The following AGAP1 variants were observed in gnomAD, a reference collection of about 807,000 sequenced individuals.
AGAP1 encodes the protein ArfGAP with GTPase domain, ankyrin repeat and PH domain 1, also known as arf-GAP with GTPase, ANK repeat and PH domain-containing protein 1.
Under a neutral mutation model 105.3 loss-of-function variants are expected in AGAP1, and 29 were observed. The observed-to-expected ratio is 0.28, with a 90% CI of 0.21 to 0.38. The LOEUF is 0.38. Ranked by LOEUF, AGAP1 falls within the 10% of genes least tolerant of loss-of-function variation. AGAP1 has a pLI of 1.00. For missense variants in AGAP1, 998 were observed against 1,165.1 expected, an observed-to-expected ratio of 0.86 and a Z score of 2.09; for synonymous variants, 509 against 485.9, an observed-to-expected ratio of 1.05 and a Z score of -0.63.
chr2:235,603,887 C>T (rs796573211), intron 1 of AGAP1, among the ~76,000 whole-genome samples: 2 of 152,246 alleles, frequency 1.3e-5, no homozygotes, highest in African/African-American at 2.4e-5. Context: ...GAAAGGAATG[C>T]GTCCATCAGG....
At chr2:235,968,796 C>A (rs1368941284) in intron 13 of AGAP1, among the ~76,000 whole-genome samples, 173 bp downstream of exon 13, 2 of 152,172 alleles carry the variant, frequency 1.3e-5, no homozygotes, top group African/African-American at 2.4e-5. Flanking sequence ...ACCTTTTCAT[C>A]ACTGTCTGAT....
Position 235,517,217 on chromosome 2 carries a change from G to A in AGAP1, c.163+22368G>A, listed in dbSNP as rs145785512. On this transcript the variant is annotated intron_variant, in intron 1 of 17. Coordinates refer to ENST00000304032, the MANE Select transcript of AGAP1 (RefSeq NM_001037131.3). This position sits in a 1 kb window ranked among gnomAD's most constrained non-coding sequence, Gnocchi z 4.1. ...TTCTCAGGAGGACACCAGTCTTGTT[G>A]GATGAGGGTCCCACCCTTAAGCTGC... Among the ~76,000 whole-genome samples the A allele has an allele frequency of 6.6e-6, 1 of 152,312 alleles. No homozygotes were observed. Among genetic ancestry groups the A allele is most frequent in the Admixed American group, 6.5e-5 (1 of 15,298 alleles).
At chr2:235,815,935 G>C (rs775621357) in intron 9 of AGAP1, among the ~76,000 whole-genome samples, 10 of 152,172 alleles carry the variant, frequency 6.6e-5, no homozygotes, top group Non-Finnish European at 1.2e-4. Context: ...GAAAACCAAA[G>C]CTCCCTTCCC....
intron 13 of AGAP1, among the ~76,000 whole-genome samples, chr2:236,018,179 C>T (rs2056769319): frequency 6.6e-6 from 1 of 151,958 alleles, no homozygotes; most frequent in Non-Finnish European, 1.5e-5. Flanking sequence ...ATTGAGTTTT[C>T]TTCAGCCAGA....
chr2:235,597,540 G>A (rs537364294), intron 1 of AGAP1, among the ~76,000 whole-genome samples: 6 of 152,312 alleles, frequency 3.9e-5, no homozygotes, highest in South Asian at 4.1e-4. Context: ...TGTCCAGACT[G>A]CTTGTAAAGG....
Position 235,600,114 on chromosome 2 carries a change from G to C in AGAP1, c.163+105265G>C, listed in dbSNP as rs1239628307. Among the ~76,000 whole-genome samples the C allele has an allele frequency of 6.6e-6, 1 of 152,072 alleles. No homozygotes were observed. Among genetic ancestry groups the C allele is most frequent in the African/African-American group, 2.4e-5 (1 of 41,406 alleles). ...CAGCCTTTCTTCCTCTCTCGTAACT[G>C]TTATTTACTCAGTAATTACAGGTTC... On this transcript the variant is annotated intron_variant, in intron 1 of 17. Coordinates refer to ENST00000304032, the MANE Select transcript of AGAP1 (RefSeq NM_001037131.3). The surrounding 1 kb of genome is among the most constrained non-coding windows in gnomAD (Gnocchi z 4.8).
In AGAP1 at chr2:235,712,934, A is replaced by G. The variant is rs1413136590; in HGVS notation, c.222+3697A>G. ...ATTTTCCTTTCACCATCAACTGTTAATTTCCACCAGCGTTTCAAATTAAAA... is the reference window on the plus strand; with the variant it reads ...ATTTTCCTTTCACCATCAACTGTTAGTTTCCACCAGCGTTTCAAATTAAAA... On this transcript the variant is annotated intron_variant, in intron 2 of 17. Transcript: ENST00000304032. This position sits in a 1 kb window ranked among gnomAD's most constrained non-coding sequence, Gnocchi z 6.0. Among the ~76,000 whole-genome samples the G allele has an allele frequency of 6.6e-6, 1 of 152,176 alleles. No individual in the cohort carries two copies. Among genetic ancestry groups the G allele is most frequent in the African/African-American group, 2.4e-5 (1 of 41,442 alleles).
chr2:235,705,000 A>C (rs1950466810), intron 1 of AGAP1, among the ~76,000 whole-genome samples: 1 of 88,214 alleles, frequency 1.1e-5, no homozygotes, highest in African/African-American at 4.3e-5. Context: ...TTTTTTTGCG[A>C]CAGAGTCTCA....
Position 236,097,440 on chromosome 2 carries a change from T to TGGAGTGCA in AGAP1, c.2115-22750_2115-22743dup, listed in dbSNP as rs543139671. ...ATGGAGTCTTGCTCTGTCGCCAGGCTGGAGTGCAGTGGCGCGACCTTGGCT... is the reference window on the plus strand; with the variant it reads ...ATGGAGTCTTGCTCTGTCGCCAGGCTGGAGTGCAGGAGTGCAGTGGCGCGACCTTGGCT... On this transcript the variant is annotated intron_variant, in intron 16 of 17. Coordinates refer to ENST00000304032, the MANE Select transcript of AGAP1 (RefSeq NM_001037131.3). 3.2e-4 allele frequency among the ~76,000 whole-genome samples: 42 copies of TGGAGTGCA among 129,426 alleles called. No individual in the cohort carries two copies. In the South Asian group the frequency reaches 7.0e-3, roughly 22 times the overall value. 84.9% of individuals were successfully genotyped at this position (129,426 alleles called of 152,430 possible). A position where few individuals can be genotyped will look rare whatever the true frequency, so the allele number is the denominator to read the frequency against.
chr2:236,002,273 G>GC lies in AGAP1; in HGVS notation c.1645+33653dup, dbSNP rs2125520644. Among the ~76,000 whole-genome samples, 1 of 152,304 alleles carries GC rather than the reference G, an allele frequency of 6.6e-6. No individual in the cohort carries two copies. The highest frequency in any genetic ancestry group is 2.4e-5 in the African/African-American group (1 of 41,568). On this transcript the variant is annotated intron_variant, in intron 13 of 17. Coordinates refer to ENST00000304032, the MANE Select transcript of AGAP1 (RefSeq NM_001037131.3). The surrounding 1 kb of genome is among the most constrained non-coding windows in gnomAD (Gnocchi z 4.3). ...AACATGACCCACGCACCCAGCCTGA[G>GC]CCCAGGAGGCTCCTGGTCCCGTCCT...
intron 16 of AGAP1, among the ~76,000 whole-genome samples, chr2:236,117,387 G>C (rs187200615): frequency 6.6e-6 from 1 of 152,216 alleles, no homozygotes; most frequent in African/African-American, 2.4e-5. Flanking sequence ...GGATGAGGTT[G>C]CCTATGAGGT....
intron 11 of AGAP1, among the ~76,000 whole-genome samples, chr2:235,911,984 C>G (rs1465225636): frequency 6.6e-6 from 1 of 152,224 alleles, no homozygotes; most frequent in Admixed American, 6.5e-5. Context: ...GCACCCTGAC[C>G]AAGCATGCGG....
intron 10 of AGAP1, among the ~76,000 whole-genome samples, chr2:235,885,490 G>A (rs188918038): frequency 5.9e-5 from 9 of 152,250 alleles, no homozygotes; most frequent in African/African-American, 1.4e-4. Flanking sequence ...GGCTTCCTGC[G>A]TTGAAGAGTC....
At chr2:235,536,627 T>A (rs112404576) in intron 1 of AGAP1, among the ~76,000 whole-genome samples, 30 of 108,314 alleles carry the variant, frequency 2.8e-4, no homozygotes, top group Admixed American at 4.7e-4. Context: ...GTCGCATCCT[T>A]CACACACACA....
At position 235,752,175 on chromosome 2, in the gene AGAP1, T is replaced by C. The variant is rs1233882588; in HGVS notation, c.673+1687T>C. Among the ~76,000 whole-genome samples, 1 of 152,284 alleles carries C rather than the reference T, an allele frequency of 6.6e-6. No homozygotes were observed. The highest frequency in any genetic ancestry group is 1.9e-4 in the East Asian group (1 of 5,168). ...GAGGCCAGCTGCCTGTTTTCATAAA[T>C]AGACTTTTCTTCTTTTTTTTGGAGA... On this transcript the variant is annotated intron_variant, in intron 6 of 17. Coordinates refer to ENST00000304032, the MANE Select transcript of AGAP1 (RefSeq NM_001037131.3). This position sits in a 1 kb window ranked among gnomAD's most constrained non-coding sequence, Gnocchi z 4.3.
chr2:235,822,033 A>G (rs975088349), intron 9 of AGAP1, among the ~76,000 whole-genome samples: 1 of 152,220 alleles, frequency 6.6e-6, no homozygotes, highest in Non-Finnish European at 1.5e-5. Flanking sequence ...CACCTGTCTT[A>G]TTCCTGGGAA....
rs978485775 is a variant in AGAP1, at chr2:236,050,678, T to A, written c.2114+1397T>A. ...AAAATGATTGGAAATTAGATTGAGCTTAATATATGAATGCAGAAAACATTG... is the reference window on the plus strand; with the variant it reads ...AAAATGATTGGAAATTAGATTGAGCATAATATATGAATGCAGAAAACATTG... On this transcript the variant is annotated intron_variant, in intron 16 of 17. Coordinates refer to ENST00000304032, the MANE Select transcript of AGAP1 (RefSeq NM_001037131.3). This position sits in a 1 kb window ranked among gnomAD's most constrained non-coding sequence, Gnocchi z 4.0. Among the ~76,000 whole-genome samples, 1 of 152,206 alleles carries A rather than the reference T, an allele frequency of 6.6e-6. No individual in the cohort carries two copies. Among genetic ancestry groups the A allele is most frequent in the African/African-American group, 2.4e-5 (1 of 41,444 alleles).
intron 12 of AGAP1, among the ~76,000 whole-genome samples, chr2:235,955,873 G>A (rs1385486923): frequency 6.6e-6 from 1 of 152,142 alleles, no homozygotes; most frequent in Non-Finnish European, 1.5e-5. Flanking sequence ...CCTGGACAAA[G>A]CCCCTCGCTG....
chr2:235,790,497 C>A (rs1036563725), intron 6 of AGAP1, among the ~76,000 whole-genome samples: 5 of 152,114 alleles, frequency 3.3e-5, no homozygotes, highest in Non-Finnish European at 7.4e-5. Context: ...TCTTGAGTGT[C>A]CAGGTAGAAA....
Sources: allele counts gnomAD v4.1 joint callset (sites outside exome capture counted in the v4.1 genomes callset), GRCh38; gene constraint gnomAD v4.1.1; non-coding constraint Gnocchi (gnomAD v3.1); transcripts MANE v1.5; gene names NCBI Gene and HGNC (gene_info 2026-07-23, HGNC 2026-07-21).